SYT1: variants seen among roughly 807,000 people sequenced by gnomAD.
SYT1 encodes the protein synaptotagmin 1.
In SYT1, 8 loss-of-function variants were observed where a neutral mutation model predicts 44.8. That is an observed-to-expected ratio of 0.18 (90% CI 0.10 to 0.32). SYT1 has a LOEUF of 0.32. SYT1 is among the 10% of genes least tolerant of loss of function. The pLI, the probability that SYT1 is intolerant of heterozygous loss-of-function variation, is 1.00. For synonymous variants in SYT1, 154 were observed against 188.8 expected (o/e 0.82, Z 1.51); for missense variants, 286 against 509.3 (o/e 0.56, Z 4.22).
intron 8 of SYT1, among the ~76,000 whole-genome samples, chr12:79,314,770 C>T (rs1428158256): frequency 6.6e-6 from 1 of 152,052 alleles, no homozygotes; most frequent in Non-Finnish European, 1.5e-5. Context: ...TGTACAACAA[C>T]AGTAGTAGCA....
At chr12:79,334,456 G>A (rs550827143) in intron 8 of SYT1, among the ~76,000 whole-genome samples, 67 of 152,204 alleles carry the variant, frequency 4.4e-4, no homozygotes, top group African/African-American at 1.6e-3. Context: ...AAACTTGAAC[G>A]AGAATGGTCA....
intron 3 of SYT1, among the ~76,000 whole-genome samples, chr12:79,179,986 G>A (rs1368737584): frequency 1.3e-5 from 2 of 151,892 alleles, no homozygotes; most frequent in Non-Finnish European, 2.9e-5. Context: ...TTTGATATTT[G>A]GGATTTTCCC....
intron 1 of SYT1, among the ~76,000 whole-genome samples, chr12:78,959,301 A>AT (rs1008629545): frequency 1.3e-5 from 2 of 152,128 alleles, no homozygotes; most frequent in South Asian, 4.1e-4. Context: ...TAGAAGAAAG[A>AT]TTTTTTTAAC....
chr12:79,444,673 T>C (rs1811340777), intron 10 of SYT1, among the ~76,000 whole-genome samples: 1 of 152,138 alleles, frequency 6.6e-6, no homozygotes, highest in African/African-American at 2.4e-5. Flanking sequence ...AAAATTAGGC[T>C]AAGTTGTGTT....
intron 1 of SYT1, among the ~76,000 whole-genome samples, chr12:78,936,077 A>T (rs556956671): frequency 6.6e-6 from 1 of 152,276 alleles, no homozygotes; most frequent in Non-Finnish European, 1.5e-5. Context: ...TTATTTTATT[A>T]TAATAAAATC....
At chr12:79,242,997 TGAA>T (rs1163227002) in intron 4 of SYT1, among the ~76,000 whole-genome samples, 1 of 152,038 alleles carries the variant, frequency 6.6e-6, no homozygotes, top group Non-Finnish European at 1.5e-5. Context: ...TGGCAGAAGA[TGAA>T]GGAGGAGAAG....
intron 3 of SYT1, among the ~76,000 whole-genome samples, chr12:79,140,317 G>A (rs887487423): frequency 3.9e-5 from 6 of 152,174 alleles, no homozygotes; most frequent in East Asian, 3.9e-4. Flanking sequence ...GGTAGATAAC[G>A]CAGAATCATG....
intron 8 of SYT1, among the ~76,000 whole-genome samples, chr12:79,319,284 A>C (rs1053622112): frequency 6.6e-6 from 1 of 152,176 alleles, no homozygotes; most frequent in Non-Finnish European, 1.5e-5. Flanking sequence ...GTATCTGCTT[A>C]AGTCAAGCAC....
chr12:79,285,703 A>G lies in SYT1; in HGVS notation c.167-84A>G, dbSNP rs1392710181. ...GTGCTCAAAAATGCAAATGAAAAAA[A>G]TGAATATCTTTATAGCCCATGAGTT... On this transcript the variant is annotated intron_variant, in intron 4 of 10. Coordinates refer to ENST00000261205, the MANE Select transcript of SYT1 (RefSeq NM_005639.3). The G allele has an allele frequency of 1.1e-5, 12 of 1,070,092 alleles. No individual in the cohort carries two copies. The South Asian group carries it at 1.5e-4, about 13-fold the overall frequency. The allele number at this position is 1,070,092 out of a possible 1,614,324, so 66.3% of individuals were successfully genotyped here.
intron 3 of SYT1, among the ~76,000 whole-genome samples, chr12:79,135,701 A>G (rs1409158543): frequency 6.6e-6 from 1 of 152,156 alleles, no homozygotes. Context: ...TGCTTTCGAT[A>G]GTAAAAGGCA....
At chr12:79,296,877 A>G (rs1280129927) in intron 7 of SYT1, among the ~76,000 whole-genome samples, 2 of 151,838 alleles carry the variant, frequency 1.3e-5, no homozygotes, top group African/African-American at 2.4e-5. Context: ...GCAGGTCTCC[A>G]GGATCTTCGT....
chr12:79,151,821 A>G (rs897354177), intron 3 of SYT1, among the ~76,000 whole-genome samples: 3 of 152,154 alleles, frequency 2.0e-5, no homozygotes, highest in African/African-American at 7.2e-5. Context: ...ATTTGTCCCA[A>G]AAAGTACGAG....
At chr12:78,997,119 G>A (rs1870432150) in intron 2 of SYT1, among the ~76,000 whole-genome samples, 1 of 152,164 alleles carries the variant, frequency 6.6e-6, no homozygotes, top group African/African-American at 2.4e-5. Context: ...ATATCTCTCA[G>A]TTCCAATTCC....
chr12:79,218,101 A>T (rs761650066), intron 4 of SYT1, among the ~76,000 whole-genome samples: 1 of 152,114 alleles, frequency 6.6e-6, no homozygotes, highest in Non-Finnish European at 1.5e-5. Context: ...ATTTTCTGTC[A>T]TTCATTTGTC....
At chr12:79,011,082 T>C (rs1871378603) in intron 2 of SYT1, among the ~76,000 whole-genome samples, 1 of 152,210 alleles carries the variant, frequency 6.6e-6, no homozygotes, top group Non-Finnish European at 1.5e-5. Context: ...AAAGAAATAA[T>C]GGCTAAAAGG....
chr12:79,255,170 T>C (rs117015235), intron 4 of SYT1, among the ~76,000 whole-genome samples: 5 of 152,286 alleles, frequency 3.3e-5, no homozygotes, highest in Non-Finnish European at 7.4e-5. Flanking sequence ...GCAAACTTCA[T>C]AGTTATCTTA....
chr12:79,235,047 T>A (rs1876106051), intron 4 of SYT1, among the ~76,000 whole-genome samples: 1 of 152,196 alleles, frequency 6.6e-6, no homozygotes, highest in Non-Finnish European at 1.5e-5. Context: ...CAGTAAATAT[T>A]TTTGGGCAAC....
At chr12:79,380,956 T>A (rs1884194786) in intron 9 of SYT1, among the ~76,000 whole-genome samples, 1 of 152,142 alleles carries the variant, frequency 6.6e-6, no homozygotes, top group South Asian at 2.1e-4. Flanking sequence ...GAAAGAGAAT[T>A]AGCACCAATA....
chr12:79,443,329 T>G (rs188007326), intron 9 of SYT1, among the ~76,000 whole-genome samples: 1 of 152,326 alleles, frequency 6.6e-6, no homozygotes, highest in East Asian at 1.9e-4. Context: ...ATCTAAAACC[T>G]AAATTCCCTT....
Sources: gnomAD v4.1 joint callset for allele counts (sites outside exome capture counted in the v4.1 genomes callset) on GRCh38, gnomAD v4.1.1 for gene constraint, MANE v1.5 for transcripts, NCBI Gene and HGNC (gene_info 2026-07-23, HGNC 2026-07-21) for gene names.